The following RPS6KA2 variants were observed in gnomAD, a reference collection of about 807,000 sequenced individuals.
RPS6KA2 encodes ribosomal protein S6 kinase A2.
Under a neutral mutation model 91.8 loss-of-function variants are expected in RPS6KA2, and 42 were observed. The observed-to-expected ratio is 0.46, with a 90% CI of 0.36 to 0.59. RPS6KA2 has a LOEUF of 0.59. Ranked by LOEUF, RPS6KA2 falls within the 20% of genes least tolerant of loss-of-function variation. The probability of loss-of-function intolerance (pLI) is 0.00; values close to 1 mark genes in which losing one functional copy is unlikely to be tolerated. For missense variants in RPS6KA2, 798 were observed against 978.5 expected, an observed-to-expected ratio of 0.82 and a Z score of 2.46; for synonymous variants, 414 against 393.6, an observed-to-expected ratio of 1.05 and a Z score of -0.61.
chr6:166,462,558 A>T (rs1221510341), intron 11 of RPS6KA2, among the ~76,000 whole-genome samples: 1 of 152,152 alleles, frequency 6.6e-6, no homozygotes, highest in Non-Finnish European at 1.5e-5. Context: ...GGTTCCCTCC[A>T]GCCCAGGACA....
chr6:166,459,516 T>C lies in RPS6KA2; in HGVS notation c.1008A>G (p.Lys336=). 1 of 1,614,056 alleles carries C rather than the reference T, an allele frequency of 6.2e-7. No individual in the cohort carries two copies. Among genetic ancestry groups the C allele is most frequent in the Non-Finnish European group, 8.5e-7 (1 of 1,179,952 alleles). Residue 336 remains lysine (K), a synonymous_variant, in exon 12 of 21, where the codon AAA becomes AAG. Transcript: ENST00000265678. This position sits in a 1 kb window ranked among gnomAD's most constrained non-coding sequence, Gnocchi z 4.9. ...LYRKEIKPPF[K]PAVGRPEDTF... ...TGTCCTCAGGCCTGCCCACTGCTGG[T>C]TTGAACGGTGGCTTGATCTCCTTCC...
intron 15 of RPS6KA2, among the ~76,000 whole-genome samples, chr6:166,430,864 G>T (rs867676741): frequency 5.3e-5 from 8 of 152,066 alleles, no homozygotes; most frequent in Admixed American, 2.0e-4. Flanking sequence ...ATACAAGATG[G>T]GCGTGTCCTT....
upstream of RPS6KA2, among the ~76,000 whole-genome samples, chr6:166,631,354 C>T (rs1787069752): frequency 6.6e-6 from 1 of 152,090 alleles, no homozygotes. Context: ...GAAGAAAAAC[C>T]ACATTGGGTT....
chr6:166,683,748 G>C (rs1788911737), intron 2 of RPS6KA2, among the ~76,000 whole-genome samples: 1 of 152,256 alleles, frequency 6.6e-6, no homozygotes, highest in African/African-American at 2.4e-5. Context: ...CGCATCCAGG[G>C]CCTCACTCCA....
chr6:166,551,488 A>G (rs1182608982), intron 1 of RPS6KA2, among the ~76,000 whole-genome samples: 4 of 152,174 alleles, frequency 2.6e-5, no homozygotes, highest in African/African-American at 9.7e-5. Flanking sequence ...CCCTACGAAA[A>G]ACAATCAACA....
At chr6:166,713,021 G>C (rs181463534) in intron 2 of RPS6KA2, among the ~76,000 whole-genome samples, 174 of 152,304 alleles carry the variant, frequency 1.1e-3, no homozygotes, top group African/African-American at 4.1e-3. Flanking sequence ...AGGAGAACAG[G>C]GTTGTGACCC....
At chr6:166,848,338 G>A (rs1780657354) in intron 2 of RPS6KA2, among the ~76,000 whole-genome samples, 1 of 152,196 alleles carries the variant, frequency 6.6e-6, no homozygotes, top group Non-Finnish European at 1.5e-5. Flanking sequence ...AACCACTATG[G>A]AAAACAGTGT....
intron 2 of RPS6KA2, among the ~76,000 whole-genome samples, chr6:166,777,459 C>T (rs1013931415): frequency 6.6e-6 from 1 of 152,148 alleles, no homozygotes; most frequent in Non-Finnish European, 1.5e-5. Context: ...TCCGAGTGCA[C>T]GCACAGCCAG....
chr6:166,526,196 T>G (rs1222271465), intron 3 of RPS6KA2, among the ~76,000 whole-genome samples: 2 of 152,058 alleles, frequency 1.3e-5, no homozygotes, highest in Non-Finnish European at 2.9e-5. Flanking sequence ...AATGAAATTT[T>G]TGGGAAAAAA....
At chr6:166,682,636 G>C (rs1458030699) in intron 2 of RPS6KA2, among the ~76,000 whole-genome samples, 2 of 152,236 alleles carry the variant, frequency 1.3e-5, no homozygotes, top group South Asian at 4.1e-4. Context: ...GAAGAAAACT[G>C]GGTGGGAGTG....
intron 1 of RPS6KA2, among the ~76,000 whole-genome samples, chr6:166,608,982 C>T (rs966070938): frequency 5.3e-5 from 8 of 152,198 alleles, no homozygotes; most frequent in Non-Finnish European, 1.2e-4. Context: ...CGGAACATGT[C>T]ATAGGCTCAG....
intron 2 of RPS6KA2, among the ~76,000 whole-genome samples, chr6:166,803,567 C>A (rs1031668117): frequency 6.6e-6 from 1 of 152,158 alleles, no homozygotes; most frequent in Non-Finnish European, 1.5e-5. Context: ...CGGCAGGCAG[C>A]GAGAGTTAAA....
chr6:166,792,188 C>T (rs1326988254), intron 2 of RPS6KA2, among the ~76,000 whole-genome samples: 3 of 152,196 alleles, frequency 2.0e-5, no homozygotes, highest in East Asian at 3.8e-4. Flanking sequence ...ACCAATCCCA[C>T]AGAAATACAA....
At chr6:166,730,618 T>C (rs1790481807) in intron 2 of RPS6KA2, among the ~76,000 whole-genome samples, 2 of 152,206 alleles carry the variant, frequency 1.3e-5, no homozygotes, top group African/African-American at 4.8e-5. Context: ...GTTTTTGTCA[T>C]TCACAGCTTT....
chr6:166,715,280 C>T (rs1286858017), intron 2 of RPS6KA2, among the ~76,000 whole-genome samples: 1 of 152,192 alleles, frequency 6.6e-6, no homozygotes, highest in Non-Finnish European at 1.5e-5. Context: ...AAATGGGAGG[C>T]ATGGACGGTA....
At chr6:166,572,911 T>G (rs1784732802) in intron 1 of RPS6KA2, among the ~76,000 whole-genome samples, 1 of 152,224 alleles carries the variant, frequency 6.6e-6, no homozygotes, top group Admixed American at 6.5e-5. Flanking sequence ...ACAGGGGAAA[T>G]GCAGGAATGC....
intron 2 of RPS6KA2, among the ~76,000 whole-genome samples, chr6:166,741,953 C>G (rs1790829498): frequency 6.6e-6 from 1 of 152,202 alleles, no homozygotes; most frequent in South Asian, 2.1e-4. Context: ...ATAGTGAAAC[C>G]CCCGTCTCTA....
At chr6:166,430,430 G>A in intron 16 of RPS6KA2, 23 bp downstream of exon 16, 5 of 1,594,314 alleles carry the variant, frequency 3.1e-6, no homozygotes, top group Non-Finnish European at 3.4e-6. Context: ...CTCCCCGAAG[G>A]CTGCCCCAGG....
At chr6:166,503,731 T>G (rs1026410268) in intron 6 of RPS6KA2, among the ~76,000 whole-genome samples, 1 of 152,340 alleles carries the variant, frequency 6.6e-6, no homozygotes. Flanking sequence ...GGATCACTCC[T>G]AGTTATGTGT....
Sources: allele counts gnomAD v4.1 joint callset (sites outside exome capture counted in the v4.1 genomes callset), GRCh38; gene constraint gnomAD v4.1.1; non-coding constraint Gnocchi (gnomAD v3.1); transcripts MANE v1.5; gene names NCBI Gene and HGNC (gene_info 2026-07-23, HGNC 2026-07-21).